The following NICOL1 variants were observed in gnomAD, a reference collection of about 807,000 sequenced individuals.
The protein encoded by NICOL1 is NELL2 interacting cell ontogeny regulator 1, also known as NELL2-interacting cell ontogeny regulator 1.
chr4:2,040,322 G>T, the NICOL1 span, among the ~76,000 whole-genome samples: 1 of 152,248 alleles, frequency 6.6e-6, no homozygotes, highest in Non-Finnish European at 1.5e-5. Context: ...GGCCAGGCTG[G>T]TCTTGAACTC....
At chr4:2,041,855 G>A in the NICOL1 span, 1 of 898,036 alleles carries the variant, frequency 1.1e-6, no homozygotes, top group South Asian at 2.2e-5. Flanking sequence ...CGCTGCTCCC[G>A]GGGGCAGCCC....
chr4:2,037,974 C>T, the NICOL1 span, among the ~76,000 whole-genome samples: 1 of 151,048 alleles, frequency 6.6e-6, no homozygotes, highest in Non-Finnish European at 1.5e-5. Flanking sequence ...TACTATTTTG[C>T]CCTTATATTG....
the NICOL1 span, among the ~76,000 whole-genome samples, chr4:2,040,489 C>G: frequency 6.6e-6 from 1 of 152,172 alleles, no homozygotes; most frequent in Non-Finnish European, 1.5e-5. Context: ...GCCTGCGGCC[C>G]GGCGCGTCCC....
At chr4:2,043,230 G>C in the NICOL1 span, among the ~76,000 whole-genome samples, 1 of 152,140 alleles carries the variant, frequency 6.6e-6, no homozygotes, top group Non-Finnish European at 1.5e-5. Context: ...TGTCAGGAAT[G>C]GGGGGTCAGG....
chr4:2,043,192 A>C, the NICOL1 span, among the ~76,000 whole-genome samples: 2 of 152,010 alleles, frequency 1.3e-5, no homozygotes, highest in South Asian at 4.2e-4. Context: ...GGCAGAGGAG[A>C]AACTGAGGCC....
At chr4:2,039,447 G>A in the NICOL1 span, among the ~76,000 whole-genome samples, 8 of 152,038 alleles carry the variant, frequency 5.3e-5, no homozygotes, top group Admixed American at 5.3e-4. Flanking sequence ...AAATTACAGA[G>A]AGACCTGTCT....
chr4:2,041,983 G>C, the NICOL1 span: 14 of 1,457,272 alleles, frequency 9.6e-6, no homozygotes, highest in African/African-American at 1.2e-4. Flanking sequence ...GGGCGGGGTC[G>C]GGTCGGAGCG....
At chr4:2,043,949 TA>T in the NICOL1 span, 1 of 1,532,536 alleles carries the variant, frequency 6.5e-7, no homozygotes, top group Non-Finnish European at 8.8e-7. Context: ...TCCGTGTGAA[TA>T]AATGCCCAGT....
the NICOL1 span, among the ~76,000 whole-genome samples, chr4:2,037,493 A>T: frequency 0.052 from 7,862 of 152,322 alleles, 371 homozygotes; most frequent in African/African-American, 0.13. Flanking sequence ...TATTTGTGTG[A>T]TGCATTGAAA....
the NICOL1 span, chr4:2,043,814 C>A: frequency 6.6e-7 from 1 of 1,508,084 alleles, no homozygotes; most frequent in Non-Finnish European, 9.0e-7. Flanking sequence ...CAGGGGAATG[C>A]CAGTGGGCAG....
the NICOL1 span, chr4:2,042,109 G>A: frequency 2.7e-6 from 4 of 1,485,060 alleles, no homozygotes; most frequent in Non-Finnish European, 3.5e-6. Flanking sequence ...GCGTTTTCTA[G>A]ATACGGGGCG....
chr4:2,038,448 C>T, the NICOL1 span, among the ~76,000 whole-genome samples: 27 of 151,602 alleles, frequency 1.8e-4, no homozygotes, highest in Non-Finnish European at 3.7e-4. Context: ...CCACCACATT[C>T]AGATACTTTT....
chr4:2,042,761 C>T, the NICOL1 span: 1 of 1,518,606 alleles, frequency 6.6e-7, no homozygotes, highest in South Asian at 1.2e-5. Context: ...ACTGCCACGC[C>T]TTCGAGTTCA....
the NICOL1 span, among the ~76,000 whole-genome samples, chr4:2,040,757 C>CCCCCGAGGTGCGACCGGGT: frequency 2.0e-5 from 3 of 152,206 alleles, 1 homozygote; most frequent in South Asian, 6.2e-4. Flanking sequence ...ATGCAGCACA[C>CCCCCGAGGTGCGACCGGGT]CCCCGAGGTG....
chr4:2,039,244 T>C, the NICOL1 span, among the ~76,000 whole-genome samples: 1 of 151,474 alleles, frequency 6.6e-6, no homozygotes, highest in Middle Eastern at 3.2e-3. Context: ...TGACACCCCA[T>C]GTCTACTAAA....
chr4:2,042,944 A>T, the NICOL1 span: 2 of 635,518 alleles, frequency 3.1e-6, no homozygotes, highest in East Asian at 3.4e-5. Context: ...CCGATTTAAG[A>T]TGCCGCACCT....
the NICOL1 span, among the ~76,000 whole-genome samples, chr4:2,038,257 A>G: frequency 2.5e-4 from 17 of 67,940 alleles, no homozygotes; most frequent in African/African-American, 6.4e-4. Context: ...ATATATATAT[A>G]TATATATATA....
the NICOL1 span, chr4:2,041,971 CCG>C: frequency 6.9e-7 from 1 of 1,452,454 alleles, no homozygotes; most frequent in African/African-American, 1.5e-5. Context: ...GATGGGGAAC[CCG>C]GGCGGGGTCG....
the NICOL1 span, among the ~76,000 whole-genome samples, chr4:2,040,871 A>C: frequency 9.0e-6 from 1 of 111,136 alleles, no homozygotes; most frequent in Non-Finnish European, 1.7e-5. Context: ...TAGGGTCAGG[A>C]CACCCGCGTC....
Sources: allele counts gnomAD v4.1 joint callset (sites outside exome capture counted in the v4.1 genomes callset), GRCh38; gene constraint gnomAD v4.1.1; transcripts MANE v1.5; gene names NCBI Gene and HGNC (gene_info 2026-07-23, HGNC 2026-07-21).